INO80: variants seen among roughly 807,000 people sequenced by gnomAD.
INO80 encodes the protein chromatin-remodeling ATPase INO80.
In INO80, 20 loss-of-function variants were observed where a neutral mutation model predicts 203.4. The observed-to-expected ratio is 0.10, with a 90% CI of 0.07 to 0.14. INO80 has a LOEUF of 0.14. Among genes scored for constraint, INO80 ranks in the 10% least tolerant of loss-of-function variants. The pLI is 1.00. For synonymous variants in INO80, 726 were observed against 685.2 expected, an observed-to-expected ratio of 1.06 and a Z score of -0.93; for missense variants, 1,419 against 1,914.4, an observed-to-expected ratio of 0.74 and a Z score of 4.83.
intron 27 of INO80, among the ~76,000 whole-genome samples, chr15:41,007,380 G>C (rs145447100): frequency 6.6e-6 from 1 of 151,502 alleles, no homozygotes; most frequent in South Asian, 2.1e-4. Flanking sequence ...ATGGGGTTTC[G>C]CCATGTTGGC....
At chr15:41,087,541 A>T (rs371378846) in intron 6 of INO80, 21 bp downstream of exon 6, 16 of 1,612,732 alleles carry the variant, frequency 9.9e-6, no homozygotes, top group Non-Finnish European at 1.4e-5. Flanking sequence ...ATATACGTGG[A>T]AGGCAGTTCA....
intron 7 of INO80, among the ~76,000 whole-genome samples, chr15:41,084,515 T>C (rs753460490): frequency 5.9e-5 from 9 of 152,096 alleles, no homozygotes; most frequent in Non-Finnish European, 1.3e-4. Context: ...GCCGAGATGA[T>C]GACACTGCAA....
At chr15:41,071,294 G>A (rs988952067) in intron 12 of INO80, among the ~76,000 whole-genome samples, 8 of 151,958 alleles carry the variant, frequency 5.3e-5, no homozygotes, top group Non-Finnish European at 1.0e-4. Context: ...TGTGCACAAC[G>A]TGCAGGTTTG....
At chr15:41,079,583 A>AC in intron 9 of INO80, 118 bp downstream of exon 9, 1 of 995,750 alleles carries the variant, frequency 1.0e-6, no homozygotes, top group Non-Finnish European at 1.5e-6. Flanking sequence ...CCAAAAAAAA[A>AC]AAAAAAACAA....
chr15:41,057,794 T>C (rs1382532287), intron 16 of INO80, among the ~76,000 whole-genome samples: 1 of 40,244 alleles, frequency 2.5e-5, no homozygotes, highest in South Asian at 7.4e-4. Flanking sequence ...TGAAACTACA[T>C]CTCAAAAAAA....
intron 29 of INO80, among the ~76,000 whole-genome samples, chr15:40,993,975 T>C (rs1012980630): frequency 2.4e-4 from 37 of 152,124 alleles, no homozygotes; most frequent in Admixed American, 2.6e-4. Flanking sequence ...CCAGATCATG[T>C]TACTCCTCTG....
chr15:41,076,939 G>A (rs989296725), intron 9 of INO80, among the ~76,000 whole-genome samples: 4 of 151,708 alleles, frequency 2.6e-5, no homozygotes, highest in African/African-American at 7.3e-5. Context: ...ATGGAGTCTC[G>A]CTCTCTCACC....
rs1323107967 is a variant in INO80 at position 41,058,701 on chromosome 15, G to C, written c.1923C>G (p.Phe641Leu). The C allele has an allele frequency of 1.9e-6, 3 of 1,613,740 alleles. No homozygotes were observed. Among genetic ancestry groups the C allele is most frequent in the Non-Finnish European group, 2.5e-6 (3 of 1,179,972 alleles). Residue 641 changes from phenylalanine to leucine, a missense_variant, in exon 16 of 36, where the codon TTC becomes TTG. By Grantham distance (22) the Phe-to-Leu change is conservative. Around this residue, in one of 9 missense-constraint regions of INO80, gnomAD observed 192 missense variants for 406.7 expected, o/e 0.47. Coordinates refer to ENST00000648947, the MANE Select transcript of INO80 (RefSeq NM_017553.3). Reference protein sequence around the residue: ...YQLVVQDVKYFQRVKWQYMVL... With the variant: ...YQLVVQDVKYLQRVKWQYMVL... ...CCATGTATTGCCACTTGACCCGCTGGAAATACTTTACATCCTGCACCACCA... is the reference window on the plus strand; with the variant it reads ...CCATGTATTGCCACTTGACCCGCTGCAAATACTTTACATCCTGCACCACCA...
At chr15:41,092,782 A>G (rs909023010) in intron 4 of INO80, among the ~76,000 whole-genome samples, 1 of 152,140 alleles carries the variant, frequency 6.6e-6, no homozygotes, top group Admixed American at 6.5e-5. Context: ...CTAGGCTGGG[A>G]GTGGTGGCTC....
chr15:41,061,001 T>A (rs778688529), intron 14 of INO80, among the ~76,000 whole-genome samples: 11 of 152,108 alleles, frequency 7.2e-5, no homozygotes, highest in African/African-American at 2.7e-4. Flanking sequence ...ATTAAAATAA[T>A]AAAAATATTA....
At chr15:41,023,401 A>T (rs2044325130) in intron 25 of INO80, 4 of 454,032 alleles carry the variant, frequency 8.8e-6, no homozygotes, top group East Asian at 6.9e-5. Flanking sequence ...GTAAGTCTAG[A>T]CTATAGAAAT....
At chr15:41,076,633 A>G (rs1370456218) in intron 9 of INO80, among the ~76,000 whole-genome samples, 3 of 152,038 alleles carry the variant, frequency 2.0e-5, no homozygotes, top group Non-Finnish European at 1.5e-5. Flanking sequence ...TCCCAGCTAC[A>G]CTGGAGGCTG....
intron 4 of INO80, among the ~76,000 whole-genome samples, chr15:41,093,236 C>A (rs534187781): frequency 1.3e-5 from 2 of 151,744 alleles, no homozygotes; most frequent in African/African-American, 4.8e-5. Context: ...AACAGCCTGG[C>A]TAACATGGTG....
rs1318094458 is a variant in INO80, at chr15:41,096,208, G to A, written c.103C>T (p.Leu35=). ...TTGAAGATAGCTGACGTTTGTCGCA[G>A]AAAATGGTCCAACCGGAGGGCCCTC... The part of the protein sequence containing the change: ...LERALRLDHF[L]RQTSAIFNRN... Residue 35 remains leucine (L), a synonymous_variant, in exon 2 of 36, where the codon CTG becomes TTG. Transcript: ENST00000648947. 1 of 1,612,962 alleles carries A rather than the reference G, an allele frequency of 6.2e-7. No individual in the cohort carries two copies. Among genetic ancestry groups the A allele is most frequent in the Non-Finnish European group, 8.5e-7 (1 of 1,179,766 alleles).
chr15:41,068,860 A>G (rs1447291023), intron 14 of INO80, among the ~76,000 whole-genome samples: 1 of 152,190 alleles, frequency 6.6e-6, no homozygotes, highest in Non-Finnish European at 1.5e-5. Context: ...ACTCCATCTC[A>G]AAACAAAAAC....
chr15:41,010,357 A>G (rs2140448233), intron 27 of INO80, among the ~76,000 whole-genome samples: 1 of 152,056 alleles, frequency 6.6e-6, no homozygotes, highest in South Asian at 2.1e-4. Context: ...CACAATCAAA[A>G]TCTTCATGAT....
At chr15:40,983,120 A>T in intron 34 of INO80, 43 bp from the exon 35 acceptor site, 2 of 1,451,836 alleles carry the variant, frequency 1.4e-6, no homozygotes, top group Non-Finnish European at 1.9e-6. Flanking sequence ...AAAAAAAAAA[A>T]GTCAATCTCC....
Position 40,984,332 on chromosome 15 carries a change from C to T in INO80, c.3942G>A (p.Leu1314=). ...CACCCTCTTTTCTCCTTTTCCCATC[C>T]AATTCATCTTCTTTTTTCTTCTGGG... ...YAEKKKKEDE[L]DGKRRKEGVN... Residue 1314 remains leucine (L), a synonymous_variant, in exon 33 of 36, where the codon TTG becomes TTA. Transcript: ENST00000648947. 6.2e-7 allele frequency: 1 copy of T among 1,614,114 alleles called. No individual in the cohort carries two copies. Among genetic ancestry groups the T allele is most frequent in the Non-Finnish European group, 8.5e-7 (1 of 1,179,984 alleles).
chr15:41,070,401 C>T (rs939725980), intron 13 of INO80, 66 bp downstream of exon 13: 43 of 1,408,524 alleles, frequency 3.1e-5, no homozygotes, highest in Admixed American at 2.4e-4. Flanking sequence ...TTTTAAGTGG[C>T]TGATTTTCAA....
Sources: gnomAD v4.1 joint callset for allele counts (sites outside exome capture counted in the v4.1 genomes callset) on GRCh38, gnomAD v4.1.1 for gene constraint, gnomAD v4.1.1 regional missense constraint, MANE v1.5 for transcripts, NCBI Gene and HGNC (gene_info 2026-07-23, HGNC 2026-07-21) for gene names.